The following FGF12 variants were observed in gnomAD, a reference collection of about 807,000 sequenced individuals.
The protein encoded by FGF12 is fibroblast growth factor 12.
A neutral mutation model predicts 23.6 loss-of-function variants in FGF12; 14 were observed. The ratio of observed to expected loss-of-function variants is 0.59; its 90% CI spans 0.39 to 0.93. The LOEUF (loss-of-function observed/expected upper bound fraction) is 0.93. FGF12 is among the 40% of genes least tolerant of loss of function. The pLI is 0.00. For synonymous variants in FGF12, 62 were observed against 77.3 expected, an observed-to-expected ratio of 0.80 and a Z score of 1.04; for missense variants, 175 against 217.8, an observed-to-expected ratio of 0.80 and a Z score of 1.24.
chr3:192,509,805 CAT>C (rs1246109095), intron 2 of FGF12, among the ~76,000 whole-genome samples: 4 of 152,110 alleles, frequency 2.6e-5, no homozygotes, highest in Non-Finnish European at 5.9e-5. Context: ...ATATACTACA[CAT>C]GATATCACAG....
intron 2 of FGF12, among the ~76,000 whole-genome samples, chr3:192,657,559 G>C (rs995792204): frequency 6.6e-6 from 1 of 152,112 alleles, no homozygotes; most frequent in East Asian, 1.9e-4. Flanking sequence ...AATTTTATCT[G>C]CACCAAATTC....
In FGF12 at chr3:192,405,004, G is replaced by T. The variant is rs189911003; in HGVS notation, c.14-44466C>A. On this transcript the variant is annotated intron_variant, in intron 2 of 5. Coordinates refer to ENST00000445105, the MANE Select transcript of FGF12 (RefSeq NM_004113.6). ...TTTACACTAGTTGATGTTACTTTCT[G>T]CTGTGTTGCAAGGAAGGTAGGAAAA... 2.1e-5 allele frequency among the ~76,000 whole-genome samples: 3 copies of T among 144,766 alleles called. No individual in the cohort carries two copies. In the East Asian group the frequency reaches 5.8e-4, roughly 28 times the overall value. The allele number at this position is 144,766 out of a possible 152,430, so 95.0% of individuals were successfully genotyped here. A position where few individuals can be genotyped will look rare whatever the true frequency, so the allele number is the denominator to read the frequency against.
rs537178499 is a variant in FGF12 at position 192,525,949 on chromosome 3, GT to G, written c.14-165412del. 4.6e-3 allele frequency among the ~76,000 whole-genome samples: 696 copies of G among 152,102 alleles called. 4 individuals are homozygous for G. Among genetic ancestry groups the G allele is most frequent in the African/African-American group, 0.016 (675 of 41,510 alleles). ...GCCACCACGCCCAGCGAATTTTTGCGTTTTTAGTAGAGATGGGTTTCACCAT... is the reference window on the plus strand; with the variant it reads ...GCCACCACGCCCAGCGAATTTTTGCGTTTTAGTAGAGATGGGTTTCACCAT... On this transcript the variant is annotated intron_variant, in intron 2 of 5. Coordinates refer to ENST00000445105, the MANE Select transcript of FGF12 (RefSeq NM_004113.6).
intron 2 of FGF12, among the ~76,000 whole-genome samples, chr3:192,702,997 G>T (rs77239978): frequency 2.6e-5 from 4 of 152,060 alleles, no homozygotes; most frequent in Admixed American, 2.6e-4. Flanking sequence ...ATGGTATTTC[G>T]TTCTATACCT....
chr3:192,644,930 A>G lies in FGF12; in HGVS notation c.13+82251T>C, dbSNP rs557713672. Among the ~76,000 whole-genome samples, 9 of 152,324 alleles carry G rather than the reference A, an allele frequency of 5.9e-5. No individual in the cohort carries two copies. The East Asian group carries it at 1.5e-3, about 26-fold the overall frequency. The stretch of plus-strand genomic sequence containing the variant: ...AGTTAGCCAAATCTTTGAGAAATAT[A>G]TGACATTTGGGCAGAATCTTAAAAA... On this transcript the variant is annotated intron_variant, in intron 2 of 5. Transcript: ENST00000445105.
Position 192,141,686 on chromosome 3 carries a change from C to CTATT in FGF12, c.*2319_*2322dup, listed in dbSNP as rs1322314002. On this transcript the variant is annotated 3_prime_UTR_variant, in exon 6 of 6. Transcript: ENST00000445105. ...GGAATTTTGTTAGTGATTCATATCT[C>CTATT]TATTTTTTTCATAACAAACTTAATT... 6.6e-6 allele frequency: 1 copy of CTATT among 151,880 alleles called. No homozygotes were observed. The highest frequency in any genetic ancestry group is 1.5e-5 in the Non-Finnish European group (1 of 67,860). The allele number at this position is 151,880 out of a possible 1,614,324, so 9.4% of individuals were successfully genotyped here.
At position 192,552,875 on chromosome 3, in the gene FGF12, G is replaced by A. The variant is rs6769260; in HGVS notation, c.13+174306C>T. Among the ~76,000 whole-genome samples, 555 of 151,964 alleles carry A rather than the reference G, an allele frequency of 3.7e-3. 5 individuals are homozygous for A. Among genetic ancestry groups the A allele is most frequent in the African/African-American group, 0.012 (509 of 41,434 alleles). On this transcript the variant is annotated intron_variant, in intron 2 of 5. Transcript: ENST00000445105. ...CACTGCACCCCAGCCTGGGTGACAG[G>A]GTGAGACTCTGTCTCAAAAACAAAA...
chr3:192,717,000 A>G (rs561894228), intron 2 of FGF12, among the ~76,000 whole-genome samples: 1 of 152,326 alleles, frequency 6.6e-6, no homozygotes, highest in East Asian at 1.9e-4. Context: ...GGCACATAAG[A>G]GCAGTGGGTT....
chr3:192,470,604 G>A (rs1723143596), intron 2 of FGF12, among the ~76,000 whole-genome samples: 1 of 151,974 alleles, frequency 6.6e-6, no homozygotes, highest in Non-Finnish European at 1.5e-5. Context: ...GGCCAGGCTG[G>A]TCTCGAACTC....
intron 4 of FGF12, among the ~76,000 whole-genome samples, chr3:192,281,139 C>T (rs1714117750): frequency 6.6e-6 from 1 of 152,160 alleles, no homozygotes; most frequent in Admixed American, 6.6e-5. Flanking sequence ...ACAACAAAAA[C>T]TTATTATCTC....
Position 192,648,852 on chromosome 3 carries a change from G to T in FGF12, c.13+78329C>A, listed in dbSNP as rs115015464. Among the ~76,000 whole-genome samples the T allele has an allele frequency of 8.5e-3, 1,290 of 152,288 alleles. 15 individuals carry two copies. The highest frequency in any genetic ancestry group is 0.029 in the African/African-American group (1,216 of 41,554). The stretch of plus-strand genomic sequence containing the variant: ...CAACTAAATATAAACTGAAATTGAA[G>T]TATGGGGCCAGAAGCCAGTTAGGGA... On this transcript the variant is annotated intron_variant, in intron 2 of 5. Coordinates refer to ENST00000445105, the MANE Select transcript of FGF12 (RefSeq NM_004113.6).
intron 4 of FGF12, among the ~76,000 whole-genome samples, chr3:192,208,486 A>G (rs1054664886): frequency 9.8e-5 from 15 of 152,332 alleles, no homozygotes; most frequent in African/African-American, 3.6e-4. Context: ...CAGATGAACT[A>G]TGTCCTTTGC....
intron 2 of FGF12, among the ~76,000 whole-genome samples, chr3:192,369,495 T>G (rs1464944): frequency 0.43 from 64,714 of 152,004 alleles, 14,049 homozygotes; most frequent in Admixed American, 0.51. Flanking sequence ...GGAAAGAAAA[T>G]AACCTTCATT....
intron 2 of FGF12, among the ~76,000 whole-genome samples, chr3:192,603,528 G>A (rs4521170): frequency 0.15 from 23,104 of 151,974 alleles, 1,788 homozygotes; most frequent in Middle Eastern, 0.19. Flanking sequence ...ATAAGTGTTG[G>A]CCGGCTGAGA....
At chr3:192,699,300 T>G (rs868762222) in intron 2 of FGF12, among the ~76,000 whole-genome samples, 1 of 152,078 alleles carries the variant, frequency 6.6e-6, no homozygotes, top group South Asian at 2.1e-4. Flanking sequence ...CAAGGAAATC[T>G]CTTTAAACTT....
intron 4 of FGF12, among the ~76,000 whole-genome samples, chr3:192,275,354 GA>G (rs1713713370): frequency 7.1e-6 from 1 of 139,874 alleles, no homozygotes; most frequent in Non-Finnish European, 1.5e-5. Flanking sequence ...AAGTAACTTT[GA>G]AAAGACCAAT....
At chr3:192,439,769 G>A (rs1250878364) in intron 2 of FGF12, among the ~76,000 whole-genome samples, 1 of 152,080 alleles carries the variant, frequency 6.6e-6, no homozygotes. Context: ...AAGGTCAGGA[G>A]TTCAAGACCA....
chr3:192,269,161 A>G (rs1996813), intron 4 of FGF12, among the ~76,000 whole-genome samples: 71,565 of 151,508 alleles, frequency 0.47, 18,088 homozygotes, highest in East Asian at 0.94. Flanking sequence ...GTGATCCACC[A>G]GCCTTGTCCT....
At chr3:192,196,509 A>G (rs992215706) in intron 4 of FGF12, among the ~76,000 whole-genome samples, 7 of 152,142 alleles carry the variant, frequency 4.6e-5, no homozygotes, top group Non-Finnish European at 7.4e-5. Flanking sequence ...TTATTAGATA[A>G]GCATATCTGA....
Sources: gnomAD v4.1 joint callset for allele counts (sites outside exome capture counted in the v4.1 genomes callset) on GRCh38, gnomAD v4.1.1 for gene constraint, MANE v1.5 for transcripts, NCBI Gene and HGNC (gene_info 2026-07-23, HGNC 2026-07-21) for gene names.